CSMD1: variants seen among roughly 807,000 people sequenced by gnomAD.
The protein encoded by CSMD1 is CUB and Sushi multiple domains 1, also known as CUB and sushi domain-containing protein 1.
Under a neutral mutation model 417.5 loss-of-function variants are expected in CSMD1, and 213 were observed. The ratio of observed to expected loss-of-function variants is 0.51; its 90% CI spans 0.46 to 0.57. CSMD1 has a LOEUF of 0.57. Among genes scored for constraint, CSMD1 ranks in the 20% least tolerant of loss-of-function variants. The pLI, the probability that CSMD1 is intolerant of heterozygous loss-of-function variation, is 0.00. For missense variants in CSMD1, 6,923 were observed against 4,529.7 expected, an observed-to-expected ratio of 1.53 and a Z score of -15.17; for synonymous variants, 2,862 against 1,736.8, an observed-to-expected ratio of 1.65 and a Z score of -16.11.
intron 23 of CSMD1, among the ~76,000 whole-genome samples, chr8:3,329,734 G>A (rs534907938): frequency 1.1e-4 from 17 of 152,250 alleles, no homozygotes; most frequent in Non-Finnish European, 1.8e-4. Context: ...TAACTGAAGA[G>A]TGTGAGCAGA....
At chr8:4,108,948 A>T (rs1207436792) in intron 3 of CSMD1, among the ~76,000 whole-genome samples, 2 of 152,174 alleles carry the variant, frequency 1.3e-5, no homozygotes, top group African/African-American at 4.8e-5. Flanking sequence ...GAAATTGTCC[A>T]TTTATGTATA....
intron 1 of CSMD1, among the ~76,000 whole-genome samples, chr8:4,854,432 G>A (rs578233251): frequency 6.6e-6 from 1 of 152,180 alleles, no homozygotes; most frequent in Non-Finnish European, 1.5e-5. Context: ...AATAGGAACA[G>A]CTCCGGTCTA....
intron 2 of CSMD1, among the ~76,000 whole-genome samples, chr8:4,477,561 A>G (rs1286491602): frequency 6.6e-6 from 1 of 152,226 alleles, no homozygotes; most frequent in Admixed American, 6.5e-5. Flanking sequence ...TTAAATGTAC[A>G]TCTTTTTTTA....
intron 26 of CSMD1, among the ~76,000 whole-genome samples, chr8:3,253,127 T>C (rs963919001): frequency 1.3e-5 from 2 of 152,200 alleles, no homozygotes; most frequent in African/African-American, 4.8e-5. Context: ...TGCTAGGGTG[T>C]CAATTTTAGA....
At chr8:4,040,622 T>A (rs1363892300) in intron 3 of CSMD1, among the ~76,000 whole-genome samples, 1 of 152,182 alleles carries the variant, frequency 6.6e-6, no homozygotes, top group Non-Finnish European at 1.5e-5. Flanking sequence ...ACTTACGATG[T>A]TTTCTTAGGT....
At chr8:4,018,716 T>G (rs1437315544) in intron 4 of CSMD1, among the ~76,000 whole-genome samples, 2 of 152,244 alleles carry the variant, frequency 1.3e-5, no homozygotes, top group Non-Finnish European at 2.9e-5. Flanking sequence ...ATATTTATTT[T>G]TCTCTTGAGT....
At chr8:3,479,837 C>A (rs1817635348) in intron 11 of CSMD1, among the ~76,000 whole-genome samples, 1 of 151,566 alleles carries the variant, frequency 6.6e-6, no homozygotes, top group African/African-American at 2.4e-5. Flanking sequence ...CTTCAGTGAT[C>A]ATTTACAAAT....
intron 2 of CSMD1, among the ~76,000 whole-genome samples, chr8:4,443,356 C>G (rs956426425): frequency 3.3e-5 from 5 of 152,192 alleles, no homozygotes; most frequent in African/African-American, 1.2e-4. Flanking sequence ...ACACACTGGT[C>G]TTTGAAACAA....
At chr8:4,077,719 C>A (rs1799908149) in intron 3 of CSMD1, among the ~76,000 whole-genome samples, 1 of 152,262 alleles carries the variant, frequency 6.6e-6, no homozygotes, top group Middle Eastern at 3.4e-3. Context: ...TCTTACCATT[C>A]TCAAATTTGC....
At chr8:3,821,047 G>A (rs1026521107) in intron 5 of CSMD1, among the ~76,000 whole-genome samples, 4 of 152,004 alleles carry the variant, frequency 2.6e-5, no homozygotes, top group African/African-American at 9.7e-5. Flanking sequence ...CTCCCCAGTA[G>A]CTGGGATTAC....
At chr8:3,241,103 G>A (rs575421756) in intron 26 of CSMD1, among the ~76,000 whole-genome samples, 2 of 151,316 alleles carry the variant, frequency 1.3e-5, no homozygotes, top group Non-Finnish European at 2.9e-5. Context: ...GGAGGCTTTG[G>A]ATTGGGAAGA....
chr8:2,981,134 T>C (rs553971290), intron 54 of CSMD1, among the ~76,000 whole-genome samples: 7 of 152,318 alleles, frequency 4.6e-5, no homozygotes, highest in African/African-American at 1.7e-4. Context: ...AGGAATAATT[T>C]GATTTATTTG....
intron 3 of CSMD1, among the ~76,000 whole-genome samples, chr8:4,089,278 G>A (rs957876885): frequency 6.6e-6 from 1 of 152,132 alleles, no homozygotes; most frequent in African/African-American, 2.4e-5. Context: ...GGAATTAGTG[G>A]GGTGCCTGCC....
At chr8:3,542,295 G>A (rs1300008845) in intron 10 of CSMD1, among the ~76,000 whole-genome samples, 2 of 152,030 alleles carry the variant, frequency 1.3e-5, no homozygotes, top group East Asian at 3.9e-4. Context: ...CATTCATTCA[G>A]ATGGTTCATT....
At position 4,616,108 on chromosome 8, in the gene CSMD1, G is replaced by A. The variant is rs564078005; in HGVS notation, c.302+21234C>T. Among the ~76,000 whole-genome samples, 125 of 152,240 alleles carry A rather than the reference G, an allele frequency of 8.2e-4. 1 individual carries two copies. Among genetic ancestry groups the A allele is most frequent in the African/African-American group, 2.9e-3 (121 of 41,562 alleles). The stretch of plus-strand genomic sequence containing the variant: ...AACTTGCCTAAGCCCAAACTATTTA[G>A]ACATCTTCCTATAACATACTCCCTT... On this transcript the variant is annotated intron_variant, in intron 2 of 69. Transcript: ENST00000635120.
chr8:4,324,383 G>A (rs763293830), intron 3 of CSMD1, among the ~76,000 whole-genome samples: 2 of 152,178 alleles, frequency 1.3e-5, no homozygotes, highest in Non-Finnish European at 2.9e-5. Flanking sequence ...ACCAGAGGTG[G>A]GGCAGGAGCA....
At chr8:4,925,681 G>A (rs574059608) in intron 1 of CSMD1, among the ~76,000 whole-genome samples, 320 of 152,064 alleles carry the variant, frequency 2.1e-3, no homozygotes, top group Middle Eastern at 6.8e-3. Flanking sequence ...CAAGTAGCTG[G>A]GACTACAGGC....
intron 1 of CSMD1, among the ~76,000 whole-genome samples, chr8:4,743,218 ACAT>A (rs1810736364): frequency 6.6e-6 from 1 of 152,234 alleles, no homozygotes; most frequent in African/African-American, 2.4e-5. Context: ...AGAGGAGGTC[ACAT>A]TATTTTAGAC....
chr8:4,422,367 A>G (rs893193966), intron 2 of CSMD1, among the ~76,000 whole-genome samples: 2 of 152,064 alleles, frequency 1.3e-5, no homozygotes, highest in African/African-American at 4.8e-5. Context: ...CCAACCCCCA[A>G]CATAACTAGA....
Sources: gnomAD v4.1 joint callset for allele counts (sites outside exome capture counted in the v4.1 genomes callset) on GRCh38, gnomAD v4.1.1 for gene constraint, MANE v1.5 for transcripts, NCBI Gene and HGNC (gene_info 2026-07-23, HGNC 2026-07-21) for gene names.